SEZ6L: variants seen among roughly 807,000 people sequenced by gnomAD.
The protein encoded by SEZ6L is seizure related 6 homolog like, also known as seizure 6-like protein.
Under a neutral mutation model 106.2 loss-of-function variants are expected in SEZ6L, and 37 were observed. That is an observed-to-expected ratio of 0.35 (90% CI 0.27 to 0.46). The LOEUF (loss-of-function observed/expected upper bound fraction) is 0.46. Among genes scored for constraint, SEZ6L ranks in the 20% least tolerant of loss-of-function variants. SEZ6L has a pLI of 1.00. For synonymous variants in SEZ6L, 541 were observed against 570.4 expected (o/e 0.95, Z 0.73); for missense variants, 1,172 against 1,332.8 (o/e 0.88, Z 1.88).
intron 1 of SEZ6L, among the ~76,000 whole-genome samples, chr22:26,191,045 G>A (rs1436350273): frequency 2.6e-5 from 4 of 152,172 alleles, no homozygotes; most frequent in Non-Finnish European, 5.9e-5. Flanking sequence ...GCAAGACAGA[G>A]GCATGTCAGT....
chr22:26,357,052 C>T (rs942179597), intron 12 of SEZ6L, among the ~76,000 whole-genome samples: 4 of 151,740 alleles, frequency 2.6e-5, no homozygotes, highest in South Asian at 4.2e-4. Flanking sequence ...CCCGGGTTCA[C>T]GCCATTCTCC....
chr22:26,369,224 G>A (rs2083920229), intron 13 of SEZ6L, among the ~76,000 whole-genome samples: 1 of 151,650 alleles, frequency 6.6e-6, no homozygotes, highest in African/African-American at 2.4e-5. Context: ...TAACCACACA[G>A]GTGAATTGTA....
intron 14 of SEZ6L, among the ~76,000 whole-genome samples, chr22:26,375,323 C>A (rs188554102): frequency 2.0e-5 from 3 of 152,270 alleles, no homozygotes; most frequent in East Asian, 3.9e-4. Flanking sequence ...GGGAATGGTA[C>A]GATCAGGTTT....
At chr22:26,304,397 A>AAAGAAAGAAAG (rs1569454431) in intron 5 of SEZ6L, among the ~76,000 whole-genome samples, 4 of 149,770 alleles carry the variant, frequency 2.7e-5, no homozygotes, top group African/African-American at 9.9e-5. Context: ...AGAAAGAAAG[A>AAAGAAAGAAAG]AAGAAAGAAA....
At chr22:26,375,546 A>G (rs1369563533) in intron 14 of SEZ6L, 29 bp from the exon 15 acceptor site, 2 of 1,587,324 alleles carry the variant, frequency 1.3e-6, no homozygotes, top group Non-Finnish European at 1.7e-6. Context: ...TACCTGGGAA[A>G]TGAGGACCTC....
Position 26,169,741 on chromosome 22 carries a change from C to G in SEZ6L, c.72C>G (p.Ser24Arg), listed in dbSNP as rs1347908522. 2.4e-6 allele frequency: 3 copies of G among 1,262,344 alleles called. No individual in the cohort carries two copies. Among genetic ancestry groups the G allele is most frequent in the Non-Finnish European group, 3.0e-6 (3 of 1,004,730 alleles). The allele number at this position is 1,262,344 out of a possible 1,614,324, so 78.2% of individuals were successfully genotyped here. A position where few individuals can be genotyped will look rare whatever the true frequency, so the allele number is the denominator to read the frequency against. Residue 24 changes from serine to arginine, a missense_variant, in exon 1 of 17, where the codon AGC becomes AGG. Coordinates refer to ENST00000248933, the MANE Select transcript of SEZ6L (RefSeq NM_021115.5). ...TGTTCCTCGCTCTGCTCCTGGGGAG[C>G]CCGGCGGCAGCGCTGGAGCGAGGTA... ...ISLFLALLLG[S>R]PAAALERDAL...
intron 1 of SEZ6L, among the ~76,000 whole-genome samples, chr22:26,252,789 A>G (rs182708254): frequency 1.4e-3 from 207 of 152,332 alleles, no homozygotes; most frequent in African/African-American, 4.8e-3. Context: ...TTCACAGTGT[A>G]TATGTACCAC....
chr22:26,308,230 G>C (rs978388776), intron 6 of SEZ6L, among the ~76,000 whole-genome samples: 1 of 151,902 alleles, frequency 6.6e-6, no homozygotes, highest in African/African-American at 2.4e-5. Context: ...AAAATGGAAG[G>C]AGATTGGATA....
intron 1 of SEZ6L, among the ~76,000 whole-genome samples, chr22:26,234,321 T>C (rs1311693922): frequency 6.6e-6 from 1 of 152,264 alleles, no homozygotes. Flanking sequence ...AGGCTGGACC[T>C]TGGGGGAAGG....
chr22:26,365,261 C>T, intron 12 of SEZ6L, 111 bp from the exon 13 acceptor site: 1 of 823,752 alleles, frequency 1.2e-6, no homozygotes, highest in Non-Finnish European at 1.9e-6. Flanking sequence ...GGTGGGGATG[C>T]AGAGAGAGGA....
intron 1 of SEZ6L, among the ~76,000 whole-genome samples, chr22:26,220,697 A>G (rs1421778215): frequency 6.6e-6 from 1 of 152,176 alleles, no homozygotes; most frequent in African/African-American, 2.4e-5. Context: ...TGGTCCTGCA[A>G]TCCCCTGCCT....
chr22:26,380,620 C>T lies in SEZ6L; in HGVS notation c.*325C>T, dbSNP rs908802316. ...AGTTTCTCCCATCAGCAATGCCATG[C>T]TAAGGCTGCATTGAATTGCATGCAT... On this transcript the variant is annotated 3_prime_UTR_variant, in exon 17 of 17. Transcript: ENST00000248933. The T allele has an allele frequency of 3.5e-6, 1 of 286,632 alleles. No individual in the cohort carries two copies. The highest frequency in any genetic ancestry group is 6.6e-6 in the Non-Finnish European group (1 of 150,868). The allele number at this position is 286,632 out of a possible 1,614,324, so 17.8% of individuals were successfully genotyped here.
intron 1 of SEZ6L, among the ~76,000 whole-genome samples, chr22:26,233,051 C>T (rs2078849536): frequency 6.6e-6 from 1 of 152,208 alleles, no homozygotes; most frequent in South Asian, 2.1e-4. Context: ...GAAGCAGAGA[C>T]ACAAATTTTC....
intron 4 of SEZ6L, among the ~76,000 whole-genome samples, 158 bp from the exon 5 acceptor site, chr22:26,298,826 G>T (rs929951683): frequency 3.3e-5 from 5 of 152,136 alleles, no homozygotes; most frequent in Non-Finnish European, 7.3e-5. Flanking sequence ...AGCCTGATAT[G>T]ATCAAAGAGA....
At chr22:26,330,617 G>T (rs1433055240) in intron 9 of SEZ6L, among the ~76,000 whole-genome samples, 6 of 152,132 alleles carry the variant, frequency 3.9e-5, no homozygotes, top group Admixed American at 3.9e-4. Context: ...GCAAGAGATG[G>T]GCTGAGACCC....
intron 1 of SEZ6L, among the ~76,000 whole-genome samples, chr22:26,186,518 A>G (rs1222333912): frequency 6.6e-6 from 1 of 152,004 alleles, no homozygotes; most frequent in Non-Finnish European, 1.5e-5. Context: ...TGGATGGAAA[A>G]CTACTGAAAG....
intron 12 of SEZ6L, among the ~76,000 whole-genome samples, chr22:26,357,806 C>T (rs2083486638): frequency 6.6e-6 from 1 of 152,128 alleles, no homozygotes; most frequent in African/African-American, 2.4e-5. Context: ...TTGCAACTTC[C>T]CCTCTTTGAT....
intron 12 of SEZ6L, among the ~76,000 whole-genome samples, chr22:26,358,252 C>T (rs1360593721): frequency 2.6e-5 from 4 of 152,282 alleles, no homozygotes; most frequent in South Asian, 4.1e-4. Flanking sequence ...ATAGCAGAAC[C>T]ATTAAATGGA....
Position 26,241,573 on chromosome 22 carries a change from G to A in SEZ6L, c.95-50833G>A, listed in dbSNP as rs966581829. On this transcript the variant is annotated intron_variant, in intron 1 of 16. Transcript: ENST00000248933. ...TTCGTTCAATACATAGCAATTACAC[G>A]GCGAGTTTTGCTCATTAGCGGGAAA... 1.1e-4 allele frequency among the ~76,000 whole-genome samples: 17 copies of A among 152,242 alleles called. No individual in the cohort carries two copies. The East Asian group carries it at 1.9e-3, about 17-fold the overall frequency.
Sources: allele counts gnomAD v4.1 joint callset (sites outside exome capture counted in the v4.1 genomes callset), GRCh38; gene constraint gnomAD v4.1.1; transcripts MANE v1.5; gene names NCBI Gene and HGNC (gene_info 2026-07-23, HGNC 2026-07-21).